The following ZNF44 variants were observed in gnomAD, a reference collection of about 807,000 sequenced individuals.
ZNF44 encodes the protein gonadotropin inducible transcription repressor-2.
Under a neutral mutation model 11.7 loss-of-function variants are expected in ZNF44, and 9 were observed. The observed-to-expected ratio is 0.77, with a 90% CI of 0.46 to 1.35. The LOEUF (loss-of-function observed/expected upper bound fraction) is 1.35. ZNF44 is among the 40% of genes most tolerant of loss of function. ZNF44 has a pLI of 0.00. For missense variants in ZNF44, 696 were observed against 743.1 expected (o/e 0.94, Z 0.74); for synonymous variants, 224 against 242.7 (o/e 0.92, Z 0.72).
chr19:12,270,901 A>G (rs923132752), downstream of ZNF44, among the ~76,000 whole-genome samples: 3 of 152,180 alleles, frequency 2.0e-5, no homozygotes, highest in African/African-American at 7.2e-5. Flanking sequence ...CCCAAAGCAT[A>G]TTGGAAGCCA....
chr19:12,260,087 C>A, intron 5 of ZNF44: 1 of 595,168 alleles, frequency 1.7e-6, no homozygotes, highest in South Asian at 1.5e-5. Context: ...ACTATAAATA[C>A]ACAGGTCTCA....
At chr19:12,290,468 C>T in intron 1 of ZNF44, among the ~76,000 whole-genome samples, 1 of 149,852 alleles carries the variant, frequency 6.7e-6, no homozygotes, top group African/African-American at 2.5e-5. Flanking sequence ...TTTGGGAGGC[C>T]AAGGCCGGTG....
chr19:12,240,529 A>C (rs1046889137), upstream of ZNF44, among the ~76,000 whole-genome samples: 8 of 152,162 alleles, frequency 5.3e-5, no homozygotes, highest in Non-Finnish European at 1.2e-4. Flanking sequence ...CTTGAAAAAA[A>C]GTTCAAAGAC....
At position 12,248,743 on chromosome 19, in the gene ZNF44, C is replaced by T. The variant is rs572874668; in HGVS notation, c.*187-65G>A. ...AAGATTTTCTCTTTATTAACTGATACTAGAATAACTATTTTTTCCACTTTC... is the reference window on the plus strand; with the variant it reads ...AAGATTTTCTCTTTATTAACTGATATTAGAATAACTATTTTTTCCACTTTC... On this transcript the variant is annotated intron_variant and NMD_transcript_variant, in intron 7 of 7. Coordinates refer to the ZNF44 transcript ENST00000393337. 1.7e-5 allele frequency: 16 copies of T among 957,664 alleles called. No individual in the cohort carries two copies. In the Admixed American group the frequency reaches 1.9e-4, roughly 11 times the overall value. The allele number at this position is 957,664 out of a possible 1,614,324, so 59.3% of individuals were successfully genotyped here.
intron 1 of ZNF44, among the ~76,000 whole-genome samples, chr19:12,289,234 G>A (rs543537956): frequency 2.6e-5 from 4 of 152,174 alleles, no homozygotes; most frequent in Non-Finnish European, 4.4e-5. Flanking sequence ...CTCAGCCTGG[G>A]GAGGTCAAGG....
intron 3 of ZNF44, among the ~76,000 whole-genome samples, chr19:12,228,721 T>C (rs1916025715): frequency 1.3e-5 from 2 of 152,088 alleles, no homozygotes; most frequent in Non-Finnish European, 2.9e-5. Flanking sequence ...AAGATACCAG[T>C]CCTTTCCCAA....
intron 3 of ZNF44, among the ~76,000 whole-genome samples, chr19:12,228,773 C>T (rs1017018839): frequency 2.0e-5 from 3 of 152,006 alleles, no homozygotes; most frequent in Non-Finnish European, 4.4e-5. Flanking sequence ...TGCCTAAGTC[C>T]ATAAGATTAG....
At chr19:12,245,765 T>C (rs1599494399), downstream of ZNF44, among the ~76,000 whole-genome samples, 1 of 152,176 alleles carries the variant, frequency 6.6e-6, no homozygotes, top group Non-Finnish European at 1.5e-5. Context: ...GTGGGTAATG[T>C]TGTTAACTAA....
At chr19:12,271,574 T>C (rs1966949040), downstream of ZNF44, among the ~76,000 whole-genome samples, 1 of 151,576 alleles carries the variant, frequency 6.6e-6, no homozygotes, top group South Asian at 2.1e-4. Flanking sequence ...CAATCATCAT[T>C]GTCATAACCA....
intron 5 of ZNF44, among the ~76,000 whole-genome samples, chr19:12,255,471 C>T (rs191006442): frequency 6.6e-6 from 1 of 152,292 alleles, no homozygotes; most frequent in Non-Finnish European, 1.5e-5. Flanking sequence ...AAGCATTTGG[C>T]TAAGTACAAC....
At chr19:12,257,999 A>C (rs1387719555) in intron 5 of ZNF44, among the ~76,000 whole-genome samples, 2 of 151,056 alleles carry the variant, frequency 1.3e-5, no homozygotes, top group African/African-American at 2.4e-5. Context: ...CAAACAAAAA[A>C]AACAGGCCAG....
At chr19:12,245,015 T>C (rs1916733743), downstream of ZNF44, among the ~76,000 whole-genome samples, 1 of 152,260 alleles carries the variant, frequency 6.6e-6, no homozygotes, top group South Asian at 2.1e-4. Flanking sequence ...TCTAGTGGTC[T>C]CTGGCAAGAT....
intron 1 of ZNF44, among the ~76,000 whole-genome samples, chr19:12,291,719 C>A (rs1374393026): frequency 1.3e-5 from 2 of 151,782 alleles, no homozygotes; most frequent in Non-Finnish European, 1.5e-5. Context: ...AGGCTGCGTG[C>A]AGTGGCTCAC....
intron 2 of ZNF44, among the ~76,000 whole-genome samples, chr19:12,233,550 C>CAA (rs58060175): frequency 4.2e-4 from 34 of 80,820 alleles, no homozygotes; most frequent in East Asian, 1.1e-3. Context: ...ACCCATACAT[C>CAA]AAAAAAAAAA....
intron 1 of ZNF44, chr19:12,284,381 G>A (rs1967628657): frequency 3.3e-6 from 2 of 613,442 alleles, no homozygotes; most frequent in Non-Finnish European, 3.0e-6. Flanking sequence ...GAGGCCCTGG[G>A]GACCCTGGGA....
rs71166664 is a variant in ZNF44 at position 12,292,855 on chromosome 19, G to GT, written c.3+1836dup. The stretch of plus-strand genomic sequence containing the variant: ...AAAATGTCAATGTCCCAGAGGTTAG[G>GT]TTTTTTTTTTTTTTTTTTTTTTTTT... On this transcript the variant is annotated intron_variant, in intron 1 of 3. Coordinates refer to ENST00000355684, the MANE Select transcript of ZNF44 (RefSeq NM_016264.4). Among the ~76,000 whole-genome samples, 328 of 76,768 alleles carry GT rather than the reference G, an allele frequency of 4.3e-3. 7 individuals carry two copies. The highest frequency in any genetic ancestry group is 0.013 in the East Asian group (33 of 2,500). The allele number at this position is 76,768 out of a possible 152,430, so 50.4% of individuals were successfully genotyped here. A position where few individuals can be genotyped will look rare whatever the true frequency, so the allele number is the denominator to read the frequency against.
intron 3 of ZNF44, among the ~76,000 whole-genome samples, chr19:12,227,742 T>C (rs1318611971): frequency 2.0e-5 from 3 of 152,244 alleles, no homozygotes; most frequent in South Asian, 2.1e-4. Flanking sequence ...GTCAGAATTA[T>C]AGGAGTCTCC....
At chr19:12,245,506 A>G (rs1169057044), downstream of ZNF44, among the ~76,000 whole-genome samples, 1 of 152,196 alleles carries the variant, frequency 6.6e-6, no homozygotes, top group East Asian at 1.9e-4. Context: ...TTTCACATAG[A>G]CTGTGTCAGA....
chr19:12,264,078 C>G (rs1917631333), intron 5 of ZNF44, among the ~76,000 whole-genome samples: 1 of 152,104 alleles, frequency 6.6e-6, no homozygotes, highest in Non-Finnish European at 1.5e-5. Context: ...CAGAGTAAGA[C>G]CCTGTATCAA....
Sources: allele counts gnomAD v4.1 joint callset (sites outside exome capture counted in the v4.1 genomes callset), GRCh38; gene constraint gnomAD v4.1.1; transcripts MANE v1.5; gene names NCBI Gene and HGNC (gene_info 2026-07-23, HGNC 2026-07-21).